The following TENT5D variants were observed in gnomAD, a reference collection of about 807,000 sequenced individuals.
The protein encoded by TENT5D is terminal nucleotidyltransferase 5D.
For synonymous variants in TENT5D, 103 were observed against 100.6 expected (o/e 1.02, Z -0.15); for missense variants, 191 against 287.0 (o/e 0.67, Z 2.42).
intron 3 of TENT5D, among the ~76,000 whole-genome samples, chrX:80,366,567 A>G (rs1443346560): frequency 9.0e-6 from 1 of 111,497 alleles, no homozygotes; most frequent in Non-Finnish European, 1.9e-5. Flanking sequence ...AGCATAACAA[A>G]TAAGCAGTTT....
exon 3 of TENT5D, chrX:80,443,306 A>G (rs755519479): frequency 1.7e-6 from 2 of 1,211,284 alleles, no homozygotes; most frequent in East Asian, 5.9e-5. Context: ...TCAGAAATCA[A>G]AAACCTAGAA....
chrX:80,353,185 A>G (rs1360887151), intron 3 of TENT5D, among the ~76,000 whole-genome samples: 1 of 112,518 alleles, frequency 8.9e-6, no homozygotes, highest in Non-Finnish European at 1.9e-5. Context: ...GTTTTGAGAT[A>G]TCTTTGCATA....
intron 3 of TENT5D, among the ~76,000 whole-genome samples, chrX:80,342,723 A>T (rs1475373064): frequency 3.6e-5 from 4 of 112,099 alleles, no homozygotes; most frequent in Non-Finnish European, 5.6e-5. Context: ...GTATTTATGA[A>T]CAAGGTAGAA....
intron 3 of TENT5D, among the ~76,000 whole-genome samples, chrX:80,391,403 T>G (rs1931124735): frequency 8.9e-6 from 1 of 112,252 alleles, no homozygotes; most frequent in Admixed American, 9.5e-5. Context: ...CATTATATAC[T>G]TTAAACTAAA....
upstream of TENT5D, among the ~76,000 whole-genome samples, chrX:80,416,449 T>A (rs1328694943): frequency 2.8e-5 from 3 of 108,960 alleles, no homozygotes; most frequent in African/African-American, 1.0e-4. Flanking sequence ...AACTTCCCTT[T>A]AACACTGCTT....
At chrX:80,416,326 C>A (rs1264867521), upstream of TENT5D, among the ~76,000 whole-genome samples, 1 of 73,283 alleles carries the variant, frequency 1.4e-5, no homozygotes, top group African/African-American at 5.5e-5. Flanking sequence ...GTATTATCTT[C>A]TGCTGGTTTG....
chrX:80,429,990 C>T (rs1459893436), intron 1 of TENT5D, among the ~76,000 whole-genome samples: 20 of 109,055 alleles, frequency 1.8e-4, no homozygotes, highest in Admixed American at 5.9e-4. Context: ...AATGGGGATC[C>T]TGCTTTTTTT....
intron 2 of TENT5D, among the ~76,000 whole-genome samples, chrX:80,341,006 TAAC>T (rs1314913623): frequency 8.9e-6 from 1 of 111,998 alleles, no homozygotes; most frequent in Admixed American, 9.5e-5. Context: ...AAGAGCAAAA[TAAC>T]AACATCATTC....
rs184750459 is a variant in TENT5D, at chrX:80,403,001, G to A, written c.-141-35609G>A. On this transcript the variant is annotated intron_variant, in intron 3 of 4. Coordinates refer to the TENT5D transcript ENST00000538312. ...GGTGCTGAAGCCCCCTACTATTATT[G>A]CATTGCAATCTGTCTCTCCCTATGG... Among the ~76,000 whole-genome samples, 313 of 111,702 alleles carry A rather than the reference G, an allele frequency of 2.8e-3. 1 individual carries two copies. The highest frequency in any genetic ancestry group is 9.3e-3 in the Middle Eastern group (2 of 216).
intron 3 of TENT5D, among the ~76,000 whole-genome samples, chrX:80,413,006 C>T (rs1345910661): frequency 9.1e-6 from 1 of 110,264 alleles, no homozygotes. Context: ...TGTTAAATGT[C>T]TTATTTATTA....
intron 3 of TENT5D, among the ~76,000 whole-genome samples, chrX:80,346,578 T>A (rs1930067075): frequency 1.8e-5 from 2 of 112,159 alleles, no homozygotes; most frequent in Non-Finnish European, 3.8e-5. Flanking sequence ...TTTGCATTTA[T>A]CTAAAGGCTC....
chrX:80,361,978 T>C (rs1017309791), intron 3 of TENT5D, among the ~76,000 whole-genome samples: 3 of 110,698 alleles, frequency 2.7e-5, no homozygotes, highest in African/African-American at 9.9e-5. Flanking sequence ...TTTCTCCTCT[T>C]TCTCCATTCC....
intron 3 of TENT5D, among the ~76,000 whole-genome samples, chrX:80,382,469 G>A (rs956166582): frequency 8.0e-5 from 9 of 112,011 alleles, no homozygotes; most frequent in African/African-American, 2.3e-4. Flanking sequence ...GAGGCAGTCC[G>A]TTCTCAGAGC....
intron 3 of TENT5D, among the ~76,000 whole-genome samples, chrX:80,395,526 TA>T (rs1931223447): frequency 2.7e-5 from 3 of 111,969 alleles, no homozygotes. Flanking sequence ...CCAACACTTG[TA>T]ATTTTTTGTC....
chrX:80,411,633 AT>A (rs776962117), intron 3 of TENT5D, among the ~76,000 whole-genome samples: 1 of 112,242 alleles, frequency 8.9e-6, no homozygotes, highest in African/African-American at 3.2e-5. Context: ...GACAAAAAGT[AT>A]TTTTTAATAA....
chrX:80,385,953 G>T (rs1233402049), intron 3 of TENT5D, among the ~76,000 whole-genome samples: 1 of 111,970 alleles, frequency 8.9e-6, no homozygotes, highest in African/African-American at 3.2e-5. Flanking sequence ...GGAAAAATAG[G>T]AACGCTTTTA....
At chrX:80,402,880 A>T (rs1022411086) in intron 3 of TENT5D, among the ~76,000 whole-genome samples, 3 of 111,937 alleles carry the variant, frequency 2.7e-5, no homozygotes, top group Non-Finnish European at 5.6e-5. Flanking sequence ...AATGTTCAGT[A>T]TATGGCTATT....
At chrX:80,393,366 C>T (rs1931174526) in intron 3 of TENT5D, among the ~76,000 whole-genome samples, 1 of 110,499 alleles carries the variant, frequency 9.0e-6, no homozygotes, top group Non-Finnish European at 1.9e-5. Flanking sequence ...TCCCCTCACT[C>T]CTTCTTTTTT....
chrX:80,433,352 A>G (rs1391157591), intron 1 of TENT5D, among the ~76,000 whole-genome samples: 1 of 111,766 alleles, frequency 8.9e-6, no homozygotes, highest in Non-Finnish European at 1.9e-5. Flanking sequence ...TCACTGCCTA[A>G]CTTTTCTCTC....
Sources: allele counts gnomAD v4.1 joint callset (sites outside exome capture counted in the v4.1 genomes callset), GRCh38; gene constraint gnomAD v4.1.1; transcripts MANE v1.5; gene names NCBI Gene and HGNC (gene_info 2026-07-23, HGNC 2026-07-21).